PITPNM3: variants seen among roughly 807,000 people sequenced by gnomAD.
PITPNM3 encodes the protein membrane-associated phosphatidylinositol transfer protein 3.
PITPNM3 carries 26 observed loss-of-function variants against 102.0 expected under a neutral mutation model. That is an observed-to-expected ratio of 0.25 (90% CI 0.19 to 0.35). The LOEUF (loss-of-function observed/expected upper bound fraction) is 0.35. Ranked by LOEUF, PITPNM3 falls within the 10% of genes least tolerant of loss-of-function variation. The pLI is 1.00. For synonymous variants in PITPNM3, 578 were observed against 558.6 expected, an observed-to-expected ratio of 1.03 and a Z score of -0.49; for missense variants, 1,083 against 1,346.1, an observed-to-expected ratio of 0.80 and a Z score of 3.06.
intron 14 of PITPNM3, among the ~76,000 whole-genome samples, chr17:6,465,491 ATCTG>A (rs781056308): frequency 3.9e-5 from 6 of 151,916 alleles, no homozygotes; most frequent in Non-Finnish European, 5.9e-5. Context: ...AGTATTTACT[ATCTG>A]TCTTTTTTTT....
intron 2 of PITPNM3, among the ~76,000 whole-genome samples, chr17:6,536,239 G>A: frequency 6.6e-6 from 1 of 152,222 alleles, no homozygotes; most frequent in Non-Finnish European, 1.5e-5. Context: ...GTCAGCATGA[G>A]AAGCACTGCA....
intron 2 of PITPNM3, among the ~76,000 whole-genome samples, chr17:6,528,501 A>C (rs1908964761): frequency 6.6e-6 from 1 of 151,690 alleles, no homozygotes; most frequent in Admixed American, 6.6e-5. Flanking sequence ...TGCATGTGTG[A>C]GTGCATACAT....
chr17:6,489,294 C>T (rs1906284107), intron 4 of PITPNM3, among the ~76,000 whole-genome samples: 1 of 152,130 alleles, frequency 6.6e-6, no homozygotes, highest in African/African-American at 2.4e-5. Flanking sequence ...AAGCCAAACA[C>T]TCAGTCTCCT....
chr17:6,512,220 C>T (rs1907907241), intron 3 of PITPNM3, among the ~76,000 whole-genome samples: 1 of 152,230 alleles, frequency 6.6e-6, no homozygotes, highest in Non-Finnish European at 1.5e-5. Context: ...GCTCAACTCA[C>T]ACCAGTGACA....
intron 4 of PITPNM3, among the ~76,000 whole-genome samples, chr17:6,490,971 AAAAG>A (rs1421849613): frequency 3.0e-5 from 4 of 131,196 alleles, no homozygotes; most frequent in Non-Finnish European, 6.4e-5. Context: ...CCAAAAAAAA[AAAAG>A]AAAGAAAGGG....
chr17:6,548,616 C>T (rs1341325301), intron 1 of PITPNM3, among the ~76,000 whole-genome samples: 1 of 152,000 alleles, frequency 6.6e-6, no homozygotes, highest in African/African-American at 2.4e-5. Flanking sequence ...GCATGAGTGA[C>T]GGGCAGCCAC....
At position 6,470,998 on chromosome 17, in the gene PITPNM3, G is replaced by C. The variant is rs1323876920; in HGVS notation, c.1624+163C>G. The stretch of plus-strand genomic sequence containing the variant: ...GACCGATGCCAGGTCTCCATCAGCA[G>C]ACGCCCAGCTCTCTAAAGGCAGAAG... On this transcript the variant is annotated intron_variant, in intron 12 of 19. Transcript: ENST00000262483. This position sits in a 1 kb window ranked among gnomAD's most constrained non-coding sequence, Gnocchi z 4.8. 6.6e-6 allele frequency among the ~76,000 whole-genome samples: 1 copy of C among 152,172 alleles called. No homozygotes were observed. The highest frequency in any genetic ancestry group is 2.4e-5 in the African/African-American group (1 of 41,440).
chr17:6,522,030 C>A (rs1191454148), intron 3 of PITPNM3, among the ~76,000 whole-genome samples: 1 of 152,134 alleles, frequency 6.6e-6, no homozygotes, highest in Non-Finnish European at 1.5e-5. Flanking sequence ...TAAGCCTGTG[C>A]CACTTCTGGG....
chr17:6,537,855 G>A lies in PITPNM3; in HGVS notation c.118+132C>T. On this transcript the variant is annotated intron_variant, in intron 2 of 19. Coordinates refer to ENST00000262483, the MANE Select transcript of PITPNM3 (RefSeq NM_031220.4). The surrounding 1 kb of genome is among the most constrained non-coding windows in gnomAD (Gnocchi z 4.4). ...CTGCTCTTGGCACATCCACAGGATGGGTAAGTATGGAGTGTGGAGCTGCAG... is the reference window on the plus strand; with the variant it reads ...CTGCTCTTGGCACATCCACAGGATGAGTAAGTATGGAGTGTGGAGCTGCAG... 1 of 789,636 alleles carries A rather than the reference G, an allele frequency of 1.3e-6. No individual in the cohort carries two copies. Among genetic ancestry groups the A allele is most frequent in the Non-Finnish European group, 2.2e-6 (1 of 453,340 alleles). The allele number at this position is 789,636 out of a possible 1,614,324, so 48.9% of individuals were successfully genotyped here.
chr17:6,552,768 T>C (rs1213429859), intron 1 of PITPNM3, among the ~76,000 whole-genome samples: 46 of 141,352 alleles, frequency 3.3e-4, no homozygotes, highest in Non-Finnish European at 6.0e-4. Context: ...TTTTCTTTTT[T>C]TTTTTTTTTT....
intron 3 of PITPNM3, among the ~76,000 whole-genome samples, chr17:6,512,229 C>G (rs990529986): frequency 9.2e-5 from 14 of 152,226 alleles, no homozygotes; most frequent in African/African-American, 3.4e-4. Flanking sequence ...ACACCAGTGA[C>G]ATTTTCTACC....
At chr17:6,514,309 C>G (rs1330156646) in intron 3 of PITPNM3, among the ~76,000 whole-genome samples, 1 of 146,160 alleles carries the variant, frequency 6.8e-6, no homozygotes, top group Non-Finnish European at 1.5e-5. Context: ...AAGACATTAT[C>G]AAAAAAAAAA....
At chr17:6,536,142 G>A (rs896890908) in intron 2 of PITPNM3, among the ~76,000 whole-genome samples, 1 of 152,044 alleles carries the variant, frequency 6.6e-6, no homozygotes, top group Non-Finnish European at 1.5e-5. Context: ...CATGGGAGGA[G>A]TGAGAAGTGG....
At chr17:6,487,281 G>T (rs550904264) in intron 4 of PITPNM3, among the ~76,000 whole-genome samples, 1 of 152,336 alleles carries the variant, frequency 6.6e-6, no homozygotes, top group South Asian at 2.1e-4. Flanking sequence ...GATAATAAAA[G>T]CAGCTACCCC....
In PITPNM3 at chr17:6,451,482, G is replaced by A. The variant is rs1385087912; in HGVS notation, c.*3856C>T. On this transcript the variant is annotated 3_prime_UTR_variant, in exon 20 of 20. Transcript: ENST00000262483. ...TTTCACCACAGAACCATCTGTCACA[G>A]ATAATACTGAAAGTTACACACTTAG... 6.6e-6 allele frequency: 1 copy of A among 152,180 alleles called. No homozygotes were observed. Among genetic ancestry groups the A allele is most frequent in the Non-Finnish European group, 1.5e-5 (1 of 68,038 alleles). 9.4% of individuals were successfully genotyped at this position (152,180 alleles called of 1,614,324 possible).
At position 6,455,446 on chromosome 17, in the gene PITPNM3, G is replaced by A. The variant is rs757134888; in HGVS notation, c.2817C>T (p.Pro939=). The change falls in exon 20 of 20, where the codon CCC becomes CCT. Residue 939 remains proline (P), a synonymous_variant. Coordinates refer to ENST00000262483, the MANE Select transcript of PITPNM3 (RefSeq NM_031220.4). The part of the protein sequence containing the change: ...VQQPDPPAAN[P]KPERAQSQPE... ...GCTGGCTCTGGGCCCGCTCGGGCTT[G>A]GGGTTGGCGGCGGGCGGGTCGGGCT... The A allele has an allele frequency of 3.1e-6, 5 of 1,604,498 alleles. No individual in the cohort carries two copies. The highest frequency in any genetic ancestry group is 4.2e-6 in the Non-Finnish European group (5 of 1,179,194).
At chr17:6,555,750 C>T (rs11867982) in intron 1 of PITPNM3, among the ~76,000 whole-genome samples, 1,646 of 152,346 alleles carry the variant, frequency 0.011, 32 homozygotes, top group African/African-American at 0.037. Flanking sequence ...CCTCAAACCA[C>T]AGGCTACACC....
intron 14 of PITPNM3, among the ~76,000 whole-genome samples, chr17:6,466,865 C>T (rs538619733): frequency 5.3e-5 from 8 of 151,662 alleles, no homozygotes; most frequent in Admixed American, 1.3e-4. Context: ...GCCAACATGG[C>T]GAAACTCCAT....
rs1178647727 is a variant in PITPNM3, at chr17:6,451,887, C to CT, written c.*3450_*3451insA. The CT allele has an allele frequency of 7.4e-4, 13 of 17,548 alleles. 1 individual carries two copies. The highest frequency in any genetic ancestry group is 3.1e-3 in the South Asian group (1 of 324). 1.1% of individuals were successfully genotyped at this position (17,548 alleles called of 1,614,324 possible). ...TTGGCACCCAAACCCCCCCCCCCCG[C>CT]CCGCCGATGGGATTCGGTGGGAAAG... On this transcript the variant is annotated 3_prime_UTR_variant, in exon 20 of 20. Transcript: ENST00000262483.
Sources: gnomAD v4.1 joint callset for allele counts (sites outside exome capture counted in the v4.1 genomes callset) on GRCh38, gnomAD v4.1.1 for gene constraint, Gnocchi (gnomAD v3.1) non-coding constraint, MANE v1.5 for transcripts, NCBI Gene and HGNC (gene_info 2026-07-23, HGNC 2026-07-21) for gene names.